CHD8: variants seen among roughly 807,000 people sequenced by gnomAD.
The protein encoded by CHD8 is ATP-dependent chromatin remodeler CHD8.
CHD8 carries 31 observed loss-of-function variants against 279.2 expected under a neutral mutation model. The ratio of observed to expected loss-of-function variants is 0.11; its 90% CI spans 0.08 to 0.15. CHD8 has a LOEUF of 0.15. CHD8 is among the 10% of genes least tolerant of loss of function. The probability of loss-of-function intolerance (pLI) is 1.00; values close to 1 mark genes in which losing one functional copy is unlikely to be tolerated. For missense variants in CHD8, 2,146 were observed against 3,230.5 expected (o/e 0.66, Z 8.14); for synonymous variants, 1,081 against 1,139.6 (o/e 0.95, Z 1.04).
Position 21,450,382 on chromosome 14 carries a change from C to A in CHD8, c.-216+5650G>T, listed in dbSNP as rs1350516012. On this transcript the variant is annotated intron_variant, in intron 1 of 37. Transcript: ENST00000646647. Reference sequence around the variant, plus strand: ...TAACCATATCCCAAAGAAATAATCCCCAAAGATATAGTGCATCCCCAAAGC... The same window carrying A: ...TAACCATATCCCAAAGAAATAATCCACAAAGATATAGTGCATCCCCAAAGC... Among the ~76,000 whole-genome samples, 3 of 151,974 alleles carry A rather than the reference C, an allele frequency of 2.0e-5. No homozygotes were observed. In the East Asian group the frequency reaches 5.8e-4, roughly 29 times the overall value.
rs925883515 is a variant in CHD8 at position 21,440,415 on chromosome 14, C to T, written c.-215-8557G>A. On this transcript the variant is annotated intron_variant, in intron 1 of 37. Coordinates refer to ENST00000646647, the MANE Select transcript of CHD8 (RefSeq NM_001170629.2). ...AGAGATGAGGTTTCACCATGTTGGC[C>T]AGGCTGGTCTCGAACTCCTGACCTC... Among the ~76,000 whole-genome samples the T allele has an allele frequency of 2.3e-4, 35 of 152,126 alleles. 1 individual carries two copies. The highest frequency in any genetic ancestry group is 4.4e-5 in the Non-Finnish European group (3 of 68,032).
At chr14:21,433,309 T>A (rs1889642126) in intron 1 of CHD8, among the ~76,000 whole-genome samples, 1 of 152,124 alleles carries the variant, frequency 6.6e-6, no homozygotes, top group Non-Finnish European at 1.5e-5. Context: ...ATGTCTAGGG[T>A]TTTAAGTTCA....
chr14:21,415,385 A>G, intron 7 of CHD8, 189 bp downstream of exon 7: 1 of 339,604 alleles, frequency 2.9e-6, no homozygotes, highest in Non-Finnish European at 5.1e-6. Context: ...TGGTAGTCCC[A>G]GATACTCAGG....
rs1888064301 is a variant in CHD8, at chr14:21,402,155, A to G, written c.3883-19T>C. ...GTTGGATCTGTAAAAACCAATAGAA[A>G]GATGAAAAGACTATCAAGAGAATAA... is the stretch of plus-strand genomic sequence containing the variant. On this transcript the variant is annotated intron_variant, in intron 19 of 37. Coordinates refer to ENST00000646647, the MANE Select transcript of CHD8 (RefSeq NM_001170629.2). The surrounding 1 kb of genome is among the most constrained non-coding windows in gnomAD (Gnocchi z 4.5). 6.4e-7 allele frequency: 1 copy of G among 1,568,208 alleles called. No individual in the cohort carries two copies.
chr14:21,394,886 A>G (rs781494156), intron 30 of CHD8, 26 bp downstream of exon 30: 1 of 1,608,686 alleles, frequency 6.2e-7, no homozygotes, highest in South Asian at 1.1e-5. Context: ...AACACAGATC[A>G]GCACAAGTTC....
chr14:21,452,942 C>T (rs898092684), intron 1 of CHD8, among the ~76,000 whole-genome samples: 5 of 150,870 alleles, frequency 3.3e-5, no homozygotes, highest in Non-Finnish European at 5.9e-5. Flanking sequence ...AAGATCGCAC[C>T]ACTGCATTCC....
intron 26 of CHD8, chr14:21,399,386 C>G (rs967909057): frequency 7.6e-6 from 4 of 525,594 alleles, no homozygotes; most frequent in Non-Finnish European, 1.4e-5. Context: ...GGGAGGCTCC[C>G]TACCTTGAGA....
chr14:21,429,519 C>T, intron 2 of CHD8, 184 bp from the exon 3 acceptor site: 1 of 760,842 alleles, frequency 1.3e-6, no homozygotes, highest in Non-Finnish European at 2.4e-6. Context: ...TAGACAGGGT[C>T]TCGCTGTATT....
chr14:21,444,526 A>G (rs1348296960), intron 1 of CHD8, among the ~76,000 whole-genome samples: 7 of 152,060 alleles, frequency 4.6e-5, no homozygotes, highest in African/African-American at 1.7e-4. Context: ...CCTGCTCTAG[A>G]TGTTCTATGT....
In CHD8 at chr14:21,401,124, A is replaced by G. The variant is rs553979887; in HGVS notation, c.4174-53T>C. ...TTCTCTTCCTGATTTGCTCATGGGA[A>G]AAGAATAAGACAATTAGGGATTACA... On this transcript the variant is annotated intron_variant, in intron 21 of 37. Coordinates refer to ENST00000646647, the MANE Select transcript of CHD8 (RefSeq NM_001170629.2). 1,650 of 1,326,032 alleles carry G rather than the reference A, an allele frequency of 1.2e-3. 3 individuals carry two copies. Among genetic ancestry groups the G allele is most frequent in the Non-Finnish European group, 1.6e-3 (1,500 of 967,532 alleles). The allele number at this position is 1,326,032 out of a possible 1,614,324, so 82.1% of individuals were successfully genotyped here.
chr14:21,437,830 T>C (rs141056364), intron 1 of CHD8, among the ~76,000 whole-genome samples: 42 of 152,248 alleles, frequency 2.8e-4, no homozygotes, highest in Non-Finnish European at 5.4e-4. Flanking sequence ...ATACGGCTTT[T>C]TAGACAGTAA....
intron 37 of CHD8, among the ~76,000 whole-genome samples, chr14:21,388,404 T>G (rs1454187937): frequency 3.3e-5 from 5 of 152,236 alleles, no homozygotes; most frequent in Non-Finnish European, 5.9e-5. Flanking sequence ...AGTATTTATA[T>G]TGTGTTAGGT....
intron 37 of CHD8, among the ~76,000 whole-genome samples, chr14:21,386,529 T>C (rs1167894730): frequency 6.6e-6 from 1 of 152,126 alleles, no homozygotes; most frequent in Non-Finnish European, 1.5e-5. Flanking sequence ...AATGAATTAG[T>C]AAATGCACAT....
chr14:21,415,663 A>G (rs1023900443), intron 6 of CHD8, 21 bp from the exon 7 acceptor site: 2 of 1,611,120 alleles, frequency 1.2e-6, no homozygotes, highest in African/African-American at 2.7e-5. Context: ...AGATGCAGTC[A>G]GTCAACAGAT....
intron 1 of CHD8, among the ~76,000 whole-genome samples, chr14:21,443,603 C>T (rs1890039282): frequency 6.6e-6 from 1 of 151,740 alleles, no homozygotes; most frequent in African/African-American, 2.4e-5. Flanking sequence ...ACCTGTAATC[C>T]CAGCACTTTG....
chr14:21,410,877 T>C (rs1032728836), intron 10 of CHD8, among the ~76,000 whole-genome samples: 12 of 152,206 alleles, frequency 7.9e-5, no homozygotes, highest in African/African-American at 2.4e-4. Context: ...TTCTTTATCA[T>C]AGTAACTCAG....
chr14:21,427,375 CTTA>C (rs1360693245), intron 4 of CHD8: 2 of 520,196 alleles, frequency 3.8e-6, no homozygotes, highest in Non-Finnish European at 5.1e-6. Context: ...CTCACTTGAG[CTTA>C]CTCTTGCACG....
At chr14:21,413,460 T>C (rs1225218915) in intron 9 of CHD8, among the ~76,000 whole-genome samples, 1 of 151,482 alleles carries the variant, frequency 6.6e-6, no homozygotes, top group African/African-American at 2.4e-5. Flanking sequence ...AGTAGAGCGA[T>C]CTTGGCTCAC....
intron 37 of CHD8, among the ~76,000 whole-genome samples, chr14:21,387,700 G>A (rs1403760355): frequency 1.3e-5 from 2 of 149,124 alleles, no homozygotes; most frequent in African/African-American, 5.0e-5. Context: ...CAGTTACTCA[G>A]GAGGCTGAGG....
Sources: allele counts gnomAD v4.1 joint callset (sites outside exome capture counted in the v4.1 genomes callset), GRCh38; gene constraint gnomAD v4.1.1; non-coding constraint Gnocchi (gnomAD v3.1); transcripts MANE v1.5; gene names NCBI Gene and HGNC (gene_info 2026-07-23, HGNC 2026-07-21).